Variants in UNC13C observed in about 807,000 individuals in gnomAD.
UNC13C encodes protein unc-13 homolog C.
A neutral mutation model predicts 245.4 loss-of-function variants in UNC13C; 174 were observed. That is an observed-to-expected ratio of 0.71 (90% CI 0.63 to 0.80). The LOEUF (loss-of-function observed/expected upper bound fraction) is 0.80. UNC13C is among the 30% of genes least tolerant of loss of function. UNC13C has a pLI of 0.00. For synonymous variants in UNC13C, 992 were observed against 895.1 expected (o/e 1.11, Z -1.93); for missense variants, 2,829 against 2,602.9 (o/e 1.09, Z -1.89).
At chr15:54,058,313 G>A (rs377711941) in intron 2 of UNC13C, among the ~76,000 whole-genome samples, 18 of 152,082 alleles carry the variant, frequency 1.2e-4, no homozygotes, top group East Asian at 9.7e-4. Flanking sequence ...ACAAACTACC[G>A]TCAGAGAATA....
chr15:54,630,162 G>GTCTT (rs926692401), downstream of UNC13C: 1 of 152,148 alleles, frequency 6.6e-6, no homozygotes, highest in Non-Finnish European at 1.5e-5. Flanking sequence ...CACATTACAG[G>GTCTT]TCTTTAAAGA....
intron 18 of UNC13C, among the ~76,000 whole-genome samples, chr15:54,407,941 C>G (rs113956114): frequency 2.0e-5 from 3 of 152,112 alleles, no homozygotes; most frequent in African/African-American, 7.2e-5. Context: ...GTGGCTCACA[C>G]CTGTAATCCC....
chr15:54,603,207 C>A (rs1899540040), intron 30 of UNC13C, among the ~76,000 whole-genome samples: 2 of 152,302 alleles, frequency 1.3e-5, no homozygotes, highest in Non-Finnish European at 1.5e-5. Flanking sequence ...TTGTTTGTCT[C>A]TGTGTGGATT....
intron 30 of UNC13C, among the ~76,000 whole-genome samples, chr15:54,571,504 C>T (rs578073775): frequency 1.4e-4 from 22 of 152,278 alleles, no homozygotes; most frequent in Admixed American, 7.2e-4. Flanking sequence ...AACCATGTCA[C>T]GGTGTAAATA....
At chr15:54,612,342 T>G (rs2141291277) in intron 30 of UNC13C, among the ~76,000 whole-genome samples, 1 of 152,208 alleles carries the variant, frequency 6.6e-6, no homozygotes, top group South Asian at 2.1e-4. Context: ...GTTAAATTTC[T>G]TTTTGTGAAT....
intron 19 of UNC13C, among the ~76,000 whole-genome samples, chr15:54,427,987 T>C (rs1275979858): frequency 6.6e-6 from 1 of 151,828 alleles, no homozygotes; most frequent in African/African-American, 2.4e-5. Context: ...TAGCAAAGAA[T>C]TAGAAGACCA....
intron 26 of UNC13C, among the ~76,000 whole-genome samples, chr15:54,539,150 T>G (rs1317728273): frequency 6.6e-6 from 1 of 152,070 alleles, no homozygotes; most frequent in East Asian, 1.9e-4. Context: ...CATAGGAAAA[T>G]ATCTTCTGTA....
At chr15:53,917,373 G>A in the UNC13C span, among the ~76,000 whole-genome samples, 7 of 152,118 alleles carry the variant, frequency 4.6e-5, no homozygotes, top group African/African-American at 1.4e-4. Context: ...TGAACAAAGT[G>A]AGAAAGAACT....
At position 54,253,859 on chromosome 15, in the gene UNC13C, A is replaced by C. The variant is rs527614536; in HGVS notation, c.3448+3415A>C. On this transcript the variant is annotated intron_variant, in intron 8 of 32. Coordinates refer to ENST00000260323, the MANE Select transcript of UNC13C (RefSeq NM_001080534.3). ...AAAGACAGCTACAGAGATTGGAAAA[A>C]AATGCAAATAATCATGGCACTTTCC... Among the ~76,000 whole-genome samples the C allele has an allele frequency of 7.9e-5, 12 of 152,328 alleles. No individual in the cohort carries two copies. The South Asian group carries it at 2.5e-3, about 32-fold the overall frequency.
intron 2 of UNC13C, among the ~76,000 whole-genome samples, chr15:54,042,657 T>G (rs919557454): frequency 6.6e-6 from 1 of 151,988 alleles, no homozygotes; most frequent in African/African-American, 2.4e-5. Context: ...ATCGAGACCA[T>G]CCTGGCTAAC....
chr15:54,551,803 A>G (rs1180156097), intron 28 of UNC13C, among the ~76,000 whole-genome samples: 1 of 151,932 alleles, frequency 6.6e-6, no homozygotes, highest in East Asian at 1.9e-4. Flanking sequence ...AGTTATTACT[A>G]TTTGAATTAC....
At chr15:54,037,939 G>A (rs182430707) in intron 2 of UNC13C, among the ~76,000 whole-genome samples, 171 of 150,220 alleles carry the variant, frequency 1.1e-3, no homozygotes, top group African/African-American at 3.9e-3. Flanking sequence ...AAGCAATGGA[G>A]GTTTTTTGCT....
At chr15:54,050,712 C>T in intron 2 of UNC13C, 1 of 561,546 alleles carries the variant, frequency 1.8e-6, no homozygotes, top group Non-Finnish European at 3.6e-6. Context: ...GGGTAAATAT[C>T]ATCAGGAAGC....
chr15:54,201,959 G>A (rs897009029), intron 4 of UNC13C, among the ~76,000 whole-genome samples: 9 of 151,902 alleles, frequency 5.9e-5, no homozygotes, highest in Admixed American at 1.3e-4. Context: ...AAATGAATTC[G>A]GTGAAGTTTC....
intron 22 of UNC13C, among the ~76,000 whole-genome samples, chr15:54,504,918 A>T (rs1305298036): frequency 6.6e-6 from 1 of 152,126 alleles, no homozygotes; most frequent in East Asian, 1.9e-4. Flanking sequence ...TGGCCGTCCC[A>T]CTCAATGCTC....
the UNC13C span, among the ~76,000 whole-genome samples, chr15:53,861,503 T>A: frequency 1.3e-5 from 2 of 152,194 alleles, no homozygotes; most frequent in African/African-American, 4.8e-5. Flanking sequence ...TTTATCACAC[T>A]TGTTCTTAGT....
chr15:54,512,388 G>C, intron 24 of UNC13C: 1 of 455,878 alleles, frequency 2.2e-6, no homozygotes, highest in East Asian at 6.9e-5. Context: ...GTTTGTGATA[G>C]TAAGCATCTT....
intron 7 of UNC13C, among the ~76,000 whole-genome samples, chr15:54,248,246 G>T (rs918747577): frequency 6.6e-6 from 1 of 151,822 alleles, no homozygotes; most frequent in African/African-American, 2.4e-5. Context: ...CAAACGAGTT[G>T]CCTGATGCAA....
chr15:53,972,145 G>C, the UNC13C span, among the ~76,000 whole-genome samples: 1 of 152,318 alleles, frequency 6.6e-6, no homozygotes, highest in East Asian at 1.9e-4. Context: ...TGCTGAAGGA[G>C]AGAGAAAAAA....
Sources: gnomAD v4.1 joint callset for allele counts (sites outside exome capture counted in the v4.1 genomes callset) on GRCh38, gnomAD v4.1.1 for gene constraint, MANE v1.5 for transcripts, NCBI Gene and HGNC (gene_info 2026-07-23, HGNC 2026-07-21) for gene names.